The following ZNF507 variants were observed in gnomAD, a reference collection of about 807,000 sequenced individuals.
The protein encoded by ZNF507 is zinc finger protein 507.
Under a neutral mutation model 80.0 loss-of-function variants are expected in ZNF507, and 29 were observed. The observed-to-expected ratio is 0.36, with a 90% CI of 0.27 to 0.49. ZNF507 has a LOEUF of 0.49. ZNF507 is among the 20% of genes least tolerant of loss of function. The pLI is 0.98. For missense variants in ZNF507, 1,081 were observed against 1,152.2 expected (o/e 0.94, Z 0.90); for synonymous variants, 462 against 422.5 (o/e 1.09, Z -1.15).
chr19:32,356,880 T>C, intron 4 of ZNF507, 147 bp downstream of exon 4: 1 of 655,594 alleles, frequency 1.5e-6, no homozygotes. Context: ...TGATCTCTGT[T>C]TCTGAGGAAA....
intron 2 of ZNF507, among the ~76,000 whole-genome samples, chr19:32,348,693 T>C (rs1024573557): frequency 6.6e-6 from 1 of 152,238 alleles, no homozygotes; most frequent in African/African-American, 2.4e-5. Context: ...TACTTATTTA[T>C]TGGTAACAAT....
chr19:32,373,353 G>A (rs1432700429), intron 5 of ZNF507, among the ~76,000 whole-genome samples: 1 of 152,038 alleles, frequency 6.6e-6, no homozygotes. Flanking sequence ...ATTTCGGTGG[G>A]GGGTGGGTCA....
rs981676982 is a variant in ZNF507 at position 32,381,594 on chromosome 19, C to G, written c.2361-873C>G. Among the ~76,000 whole-genome samples, 12 of 152,122 alleles carry G rather than the reference C, an allele frequency of 7.9e-5. No individual in the cohort carries two copies. The East Asian group carries it at 2.1e-3, about 27-fold the overall frequency. Reference sequence around the variant, plus strand: ...CTGCACTCCAGCCTGGGAGACAGAGCAAGACTCTATCTCAAACAACAACAA... The same window carrying G: ...CTGCACTCCAGCCTGGGAGACAGAGGAAGACTCTATCTCAAACAACAACAA... On this transcript the variant is annotated intron_variant, in intron 5 of 6. Coordinates refer to ENST00000355898, the MANE Select transcript of ZNF507 (RefSeq NM_001136156.2).
In ZNF507 at chr19:32,347,108, G is replaced by T. The variant is rs149667960; in HGVS notation, c.-96-137G>T. 2.7e-4 allele frequency: 41 copies of T among 152,216 alleles called. 1 individual carries two copies. In the East Asian group the frequency reaches 6.9e-3, roughly 26 times the overall value. 9.4% of individuals were successfully genotyped at this position (152,216 alleles called of 1,614,324 possible). On this transcript the variant is annotated intron_variant, in intron 1 of 6. Transcript: ENST00000355898. The stretch of plus-strand genomic sequence containing the variant: ...ATTTAAATTTGCATTACGTAATAGG[G>T]TTGCATGAACATTCCTCTGAATTTC...
intron 5 of ZNF507, among the ~76,000 whole-genome samples, chr19:32,369,225 G>A (rs192273579): frequency 6.6e-6 from 1 of 152,270 alleles, no homozygotes; most frequent in Admixed American, 6.5e-5. Context: ...AAATTGTGCT[G>A]CTTTGGACAT....
chr19:32,354,664 C>G lies in ZNF507; in HGVS notation c.1834C>G (p.Gln612Glu). 6.2e-7 allele frequency: 1 copy of G among 1,614,106 alleles called. No individual in the cohort carries two copies. Among genetic ancestry groups the G allele is most frequent in the Non-Finnish European group, 8.5e-7 (1 of 1,180,026 alleles). ...ASDDDILKEL[Q>E]DNAQCQPNSD... ...AGACGATGACATTTTGAAAGAGTTG[C>G]AGGACAACGCCCAGTGCCAACCCAA... is the stretch of plus-strand genomic sequence containing the variant. Residue 612 changes from glutamine to glutamate, a missense_variant, in exon 3 of 7, where the codon CAG (glutamine) becomes GAG (glutamate). Physicochemically the swap from Gln to Glu is conservative, Grantham distance 29 (BLOSUM62 2). Transcript: ENST00000355898.
chr19:32,369,099 A>G (rs1162739239), intron 5 of ZNF507, among the ~76,000 whole-genome samples: 1 of 152,234 alleles, frequency 6.6e-6, no homozygotes, highest in African/African-American at 2.4e-5. Flanking sequence ...TAGCCAAGTT[A>G]TAAGAAGCCT....
intron 4 of ZNF507, chr19:32,359,311 C>T (rs972380689): frequency 2.6e-5 from 4 of 152,196 alleles, no homozygotes; most frequent in Admixed American, 2.0e-4. Context: ...TTTTAGAAAC[C>T]GTAAATTTAA....
chr19:32,360,573 G>A lies in ZNF507; in HGVS notation c.2315G>A (p.Gly772Asp), dbSNP rs1051882923. Residue 772 changes from glycine (G) to aspartate (D), a missense_variant, in exon 5 of 7, where the codon GGT becomes GAT. Around this residue, in one of 6 missense-constraint regions of ZNF507, gnomAD observed 40 missense variants for 52.4 expected, o/e 0.76. Coordinates refer to ENST00000355898, the MANE Select transcript of ZNF507 (RefSeq NM_001136156.2). ...GATTATACAAGTACAACATATGTTGGTGTCAGAAACCACAGGCGAATCCAT... is the reference window on the plus strand; with the variant it reads ...GATTATACAAGTACAACATATGTTGATGTCAGAAACCACAGGCGAATCCAT... ...VCDYTSTTYV[G>D]VRNHRRIHNS... 1.9e-6 allele frequency: 3 copies of A among 1,603,582 alleles called. No individual in the cohort carries two copies. Among genetic ancestry groups the A allele is most frequent in the Admixed American group, 1.7e-5 (1 of 58,782 alleles).
Position 32,354,089 on chromosome 19 carries a change from T to C in ZNF507, c.1259T>C (p.Met420Thr), listed in dbSNP as rs145107585. The change falls in exon 3 of 7, where the codon ATG becomes ACG. Residue 420 changes from methionine (M) to threonine (T), a missense_variant. By Grantham distance (81) the Met-to-Thr change is moderately conservative. This residue lies in a region of ZNF507 where 614 missense variants were observed against 583.9 expected (regional missense o/e 1.05). Coordinates refer to ENST00000355898, the MANE Select transcript of ZNF507 (RefSeq NM_001136156.2). ...AAGCGCTTCCTCATGAACACTGAAA[T>C]GGAAGAAGGGAAGGACCTGAGCCTG... ...SQKRFLMNTE[M>T]EEGKDLSLTE... The C allele has an allele frequency of 2.2e-3, 3,482 of 1,613,698 alleles. 7 individuals carry two copies. Among genetic ancestry groups the C allele is most frequent in the Non-Finnish European group, 2.7e-3 (3,137 of 1,179,964 alleles).
rs1010611328 is a variant in ZNF507, at chr19:32,376,992, G to A, written c.2361-5475G>A. The stretch of plus-strand genomic sequence containing the variant: ...TAGTACTTTCACTAATTTTGCTACT[G>A]TTAACTAAAAGGCAGAGCCAGGTGT... On this transcript the variant is annotated intron_variant, in intron 5 of 6. Transcript: ENST00000355898. Among the ~76,000 whole-genome samples the A allele has an allele frequency of 3.9e-5, 6 of 152,134 alleles. No individual in the cohort carries two copies. In the East Asian group the frequency reaches 9.7e-4, roughly 25 times the overall value.
chr19:32,367,268 G>T (rs1372322548), intron 5 of ZNF507, among the ~76,000 whole-genome samples: 1 of 152,168 alleles, frequency 6.6e-6, no homozygotes, highest in Non-Finnish European at 1.5e-5. Flanking sequence ...CAAGCCATTC[G>T]TAAGGGATCC....
Position 32,354,402 on chromosome 19 carries a change from A to G in ZNF507, c.1572A>G (p.Leu524=), listed in dbSNP as rs1253677557. 6.2e-7 allele frequency: 1 copy of G among 1,614,160 alleles called. No individual in the cohort carries two copies. Among genetic ancestry groups the G allele is most frequent in the Non-Finnish European group, 8.5e-7 (1 of 1,180,036 alleles). The part of the protein sequence containing the change: ...NLGHYGDINL[L]DPDTSQRQVD... ...GGCACTATGGAGATATAAACCTTTT[A>G]GATCCAGATACTAGTCAAAGGCAAG... The change falls in exon 3 of 7, where the codon TTA becomes TTG. Residue 524 remains leucine (L), a synonymous_variant. Transcript: ENST00000355898.
intron 1 of ZNF507, among the ~76,000 whole-genome samples, chr19:32,346,505 C>T (rs1967098993): frequency 6.6e-6 from 1 of 152,198 alleles, no homozygotes; most frequent in African/African-American, 2.4e-5. Flanking sequence ...TTTGAGTTTG[C>T]ACTTTCTCCA....
intron 5 of ZNF507, among the ~76,000 whole-genome samples, chr19:32,371,200 C>T (rs1261741286): frequency 2.6e-5 from 4 of 152,104 alleles, no homozygotes; most frequent in Non-Finnish European, 2.9e-5. Flanking sequence ...CCCAGCCGGG[C>T]GCGGTGGCTC....
chr19:32,374,191 C>CTT (rs1967514485), intron 5 of ZNF507, among the ~76,000 whole-genome samples: 1 of 152,132 alleles, frequency 6.6e-6, no homozygotes, highest in African/African-American at 2.4e-5. Context: ...CACACACACT[C>CTT]TCTCTCTCTT....
intron 1 of ZNF507, 92 bp from the exon 2 acceptor site, chr19:32,347,153 G>T (rs578260970): frequency 3.5e-4 from 53 of 152,144 alleles, no homozygotes; most frequent in African/African-American, 1.2e-3. Context: ...GGAATATTGA[G>T]AAATTTTTCA....
At chr19:32,348,725 T>G (rs779821055) in intron 2 of ZNF507, among the ~76,000 whole-genome samples, 1 of 152,256 alleles carries the variant, frequency 6.6e-6, no homozygotes, top group Non-Finnish European at 1.5e-5. Flanking sequence ...AATGTTGTTA[T>G]GTCTAAACAT....
intron 5 of ZNF507, chr19:32,382,048 C>G (rs1221965416): frequency 1.3e-5 from 2 of 154,482 alleles, no homozygotes; most frequent in Non-Finnish European, 2.9e-5. Context: ...ATGCACAGTT[C>G]ATGTTGAAAA....
Sources: allele counts gnomAD v4.1 joint callset (sites outside exome capture counted in the v4.1 genomes callset), GRCh38; gene constraint gnomAD v4.1.1; regional missense constraint gnomAD v4.1.1; transcripts MANE v1.5; gene names NCBI Gene and HGNC (gene_info 2026-07-23, HGNC 2026-07-21).